The following SGK3 variants were observed in gnomAD, a reference collection of about 807,000 sequenced individuals.
SGK3 encodes serum/glucocorticoid regulated kinase family member 3.
SGK3 carries 47 observed loss-of-function variants against 68.5 expected under a neutral mutation model. The observed-to-expected ratio is 0.69, with a 90% CI of 0.54 to 0.87. The LOEUF (loss-of-function observed/expected upper bound fraction) is 0.87. Ranked by LOEUF, SGK3 falls within the 40% of genes least tolerant of loss-of-function variation. The pLI is 0.00. For missense variants in SGK3, 479 were observed against 575.5 expected, an observed-to-expected ratio of 0.83 and a Z score of 1.72; for synonymous variants, 181 against 189.1, an observed-to-expected ratio of 0.96 and a Z score of 0.35.
At chr8:66,735,527 A>G (rs1805294299) in intron 1 of SGK3, among the ~76,000 whole-genome samples, 1 of 152,166 alleles carries the variant, frequency 6.6e-6, no homozygotes, top group East Asian at 1.9e-4. Flanking sequence ...GAGCCTATGT[A>G]TCTGTTGGGC....
intron 1 of SGK3, among the ~76,000 whole-genome samples, chr8:66,723,089 TCA>T (rs1491141062): frequency 0.079 from 4,432 of 56,386 alleles, 424 homozygotes; most frequent in African/African-American, 0.19. Flanking sequence ...AAGATTTTGT[TCA>T]TATATATATA....
chr8:66,787,125 G>T (rs756130172), intron 1 of SGK3, among the ~76,000 whole-genome samples: 5 of 151,470 alleles, frequency 3.3e-5, no homozygotes, highest in Non-Finnish European at 5.9e-5. Context: ...TGTATTTTTA[G>T]TAGAGACGGG....
chr8:66,728,005 A>G (rs2130357497), intron 1 of SGK3, among the ~76,000 whole-genome samples: 1 of 152,346 alleles, frequency 6.6e-6, no homozygotes, highest in Non-Finnish European at 1.5e-5. Context: ...TTGAGATATA[A>G]TTCATATACC....
At chr8:66,791,013 G>A (rs1807432079) in intron 1 of SGK3, among the ~76,000 whole-genome samples, 1 of 152,102 alleles carries the variant, frequency 6.6e-6, no homozygotes, top group South Asian at 2.1e-4. Context: ...TTTAACAAAG[G>A]GACTGTTAAC....
intron 1 of SGK3, among the ~76,000 whole-genome samples, chr8:66,731,319 C>G (rs977529956): frequency 1.3e-5 from 2 of 152,136 alleles, no homozygotes; most frequent in Admixed American, 6.5e-5. Context: ...TTGTTCATAT[C>G]TTTTTCCTTG....
intron 1 of SGK3, among the ~76,000 whole-genome samples, chr8:66,732,872 G>A (rs1805209228): frequency 6.6e-6 from 1 of 152,006 alleles, no homozygotes; most frequent in African/African-American, 2.4e-5. Context: ...AAAAATTATT[G>A]TTTTGATATT....
rs532753008 is a variant in SGK3, at chr8:66,847,587, A to G, written c.1230+239A>G. On this transcript the variant is annotated intron_variant, in intron 15 of 16. Coordinates refer to ENST00000521198, the MANE Select transcript of SGK3 (RefSeq NM_001033578.3). Reference sequence around the variant, plus strand: ...TCCACCACATACACTTTCGCACCCTATTATTTACTTGATTTTCATTTATTA... The same window carrying G: ...TCCACCACATACACTTTCGCACCCTGTTATTTACTTGATTTTCATTTATTA... Among the ~76,000 whole-genome samples, 3 of 152,138 alleles carry G rather than the reference A, an allele frequency of 2.0e-5. No individual in the cohort carries two copies. In the South Asian group the frequency reaches 6.2e-4, roughly 32 times the overall value.
intron 1 of SGK3, among the ~76,000 whole-genome samples, chr8:66,791,380 A>G (rs1807447153): frequency 6.6e-6 from 1 of 152,180 alleles, no homozygotes; most frequent in African/African-American, 2.4e-5. Context: ...CTGGAAGGGC[A>G]GATGGAGACT....
At chr8:66,725,034 G>A (rs1804938529) in intron 1 of SGK3, among the ~76,000 whole-genome samples, 1 of 152,118 alleles carries the variant, frequency 6.6e-6, no homozygotes, top group African/African-American at 2.4e-5. Flanking sequence ...AGACCATCCT[G>A]GCTAACATGG....
At chr8:66,763,857 T>A (rs1007493571) in intron 1 of SGK3, among the ~76,000 whole-genome samples, 4 of 152,144 alleles carry the variant, frequency 2.6e-5, no homozygotes, top group Non-Finnish European at 5.9e-5. Context: ...TCTTCCTTTT[T>A]AAAAAGTTAT....
chr8:66,769,062 G>A (rs1806416350), intron 1 of SGK3, among the ~76,000 whole-genome samples: 1 of 152,102 alleles, frequency 6.6e-6, no homozygotes, highest in African/African-American at 2.4e-5. Flanking sequence ...AGATCTGTGA[G>A]TTTATAGTTT....
intron 6 of SGK3, 108 bp from the exon 7 acceptor site, chr8:66,828,546 G>A: frequency 6.6e-7 from 1 of 1,506,446 alleles, no homozygotes; most frequent in Non-Finnish European, 9.1e-7. Flanking sequence ...CTTTAACATG[G>A]CAACAAACCA....
intron 1 of SGK3, among the ~76,000 whole-genome samples, chr8:66,756,715 G>A (rs1451293597): frequency 6.6e-6 from 1 of 151,594 alleles, no homozygotes; most frequent in African/African-American, 2.4e-5. Context: ...AAGTAGCTGG[G>A]ACTATAGGCA....
chr8:66,832,835 A>G (rs916191270), intron 8 of SGK3, among the ~76,000 whole-genome samples: 1 of 152,064 alleles, frequency 6.6e-6, no homozygotes, highest in African/African-American at 2.4e-5. Context: ...GCATAGCGTC[A>G]CAATTCATTT....
intron 5 of SGK3, among the ~76,000 whole-genome samples, chr8:66,816,784 G>A (rs1426968234): frequency 1.3e-5 from 2 of 152,132 alleles, no homozygotes; most frequent in African/African-American, 2.4e-5. Context: ...TGTATCTTGA[G>A]CACCTCCTAT....
At chr8:66,717,209 A>G (rs1313970772) in intron 1 of SGK3, among the ~76,000 whole-genome samples, 1 of 141,542 alleles carries the variant, frequency 7.1e-6, no homozygotes, top group Non-Finnish European at 1.5e-5. Context: ...CTTTATCTGA[A>G]AAAAAAAAAC....
intron 12 of SGK3, chr8:66,840,637 A>G (rs1325244704): frequency 2.0e-5 from 4 of 204,240 alleles, no homozygotes; most frequent in Non-Finnish European, 3.9e-5. Flanking sequence ...ATCTATAATT[A>G]TGTCAAAATA....
At chr8:66,852,567 C>A (rs1045147795) in intron 16 of SGK3, among the ~76,000 whole-genome samples, 2 of 152,200 alleles carry the variant, frequency 1.3e-5, no homozygotes, top group African/African-American at 4.8e-5. Flanking sequence ...GCATGAGCTA[C>A]TGTGCCCGGC....
At chr8:66,728,002 A>G (rs1805030718) in intron 1 of SGK3, among the ~76,000 whole-genome samples, 1 of 152,242 alleles carries the variant, frequency 6.6e-6, no homozygotes, top group Admixed American at 6.5e-5. Context: ...TTATTGAGAT[A>G]TAATTCATAT....
Sources: allele counts gnomAD v4.1 joint callset (sites outside exome capture counted in the v4.1 genomes callset), GRCh38; gene constraint gnomAD v4.1.1; transcripts MANE v1.5; gene names NCBI Gene and HGNC (gene_info 2026-07-23, HGNC 2026-07-21).